L3MBTL3: variants seen among roughly 807,000 people sequenced by gnomAD.
L3MBTL3 encodes the protein L3MBTL histone methyl-lysine binding protein 3, also known as lethal(3)malignant brain tumor-like protein 3.
L3MBTL3 carries 27 observed loss-of-function variants against 102.3 expected under a neutral mutation model. That is an observed-to-expected ratio of 0.26 (90% confidence interval 0.19 to 0.36). The LOEUF (loss-of-function observed/expected upper bound fraction) is 0.36. Ranked by LOEUF, L3MBTL3 falls within the 10% of genes least tolerant of loss-of-function variation. The pLI is 1.00. For missense variants in L3MBTL3, 798 were observed against 955.3 expected, an observed-to-expected ratio of 0.84 and a Z score of 2.17; for synonymous variants, 340 against 320.9, an observed-to-expected ratio of 1.06 and a Z score of -0.64.
chr6:130,049,476 A>T (rs1780949575), intron 4 of L3MBTL3, 83 bp downstream of exon 4: 3 of 934,578 alleles, frequency 3.2e-6, no homozygotes, highest in Non-Finnish European at 4.8e-6. Flanking sequence ...ATAGGCTGGA[A>T]CTTTGAAGGC....
chr6:130,060,691 A>G (rs899442930), intron 10 of L3MBTL3, among the ~76,000 whole-genome samples: 2 of 151,064 alleles, frequency 1.3e-5, no homozygotes, highest in South Asian at 4.2e-4. Flanking sequence ...GGAACAGACC[A>G]ACAGATACTT....
chr6:130,018,933 C>G (rs1778736836), intron 1 of L3MBTL3, among the ~76,000 whole-genome samples: 1 of 151,926 alleles, frequency 6.6e-6, no homozygotes, highest in Admixed American at 6.5e-5. Flanking sequence ...GGGGGAGTCT[C>G]TGGGCATCTC....
intron 7 of L3MBTL3, among the ~76,000 whole-genome samples, chr6:130,054,741 T>C (rs1781350346): frequency 1.3e-5 from 2 of 152,090 alleles, no homozygotes; most frequent in Admixed American, 1.3e-4. Context: ...AAGAGGAAGC[T>C]GAGGGTGTGG....
chr6:130,054,871 A>T (rs1562269893), intron 7 of L3MBTL3, among the ~76,000 whole-genome samples: 2 of 152,224 alleles, frequency 1.3e-5, no homozygotes, highest in Non-Finnish European at 2.9e-5. Flanking sequence ...AGGAGCCAGT[A>T]AGGCGTGAGG....
At chr6:130,094,628 T>A (rs368674334) in intron 18 of L3MBTL3, among the ~76,000 whole-genome samples, 40 of 152,140 alleles carry the variant, frequency 2.6e-4, no homozygotes, top group African/African-American at 8.2e-4. Context: ...TTACAAATAG[T>A]TAGTTTCTGC....
At chr6:130,085,735 CTAAA>C (rs1320555759) in intron 15 of L3MBTL3, among the ~76,000 whole-genome samples, 1 of 152,116 alleles carries the variant, frequency 6.6e-6, no homozygotes, top group African/African-American at 2.4e-5. Context: ...ACATCATTCT[CTAAA>C]TAGCCCAGCT....
chr6:130,023,666 A>T (rs900132118), intron 2 of L3MBTL3, among the ~76,000 whole-genome samples: 1 of 152,212 alleles, frequency 6.6e-6, no homozygotes, highest in African/African-American at 2.4e-5. Flanking sequence ...TTGTTAAAAG[A>T]ATCAAATAAA....
chr6:130,032,319 T>A (rs1248887778), intron 2 of L3MBTL3, among the ~76,000 whole-genome samples: 1 of 152,154 alleles, frequency 6.6e-6, no homozygotes, highest in Non-Finnish European at 1.5e-5. Flanking sequence ...TCTGCTGTTG[T>A]GTGTCTGTAG....
At chr6:130,070,172 A>C (rs987297089) in intron 12 of L3MBTL3, among the ~76,000 whole-genome samples, 2 of 152,036 alleles carry the variant, frequency 1.3e-5, no homozygotes, top group African/African-American at 4.8e-5. Flanking sequence ...TGTGATTTGC[A>C]TAATTGGTAT....
intron 22 of L3MBTL3, among the ~76,000 whole-genome samples, chr6:130,136,464 A>T (rs1787678374): frequency 6.6e-6 from 1 of 152,044 alleles, no homozygotes; most frequent in South Asian, 2.1e-4. Context: ...CTTCCTCCAG[A>T]TGTTCATGTG....
At chr6:130,056,492 G>A (rs1048288116) in intron 8 of L3MBTL3, among the ~76,000 whole-genome samples, 1 of 152,184 alleles carries the variant, frequency 6.6e-6, no homozygotes, top group South Asian at 2.1e-4. Flanking sequence ...CAGTGCCGGG[G>A]TGCATTCTAG....
rs915274432 is a variant in L3MBTL3 at position 130,049,286 on chromosome 6, G to A, written c.107G>A (p.Arg36Gln). ...TTTCTGCTGTGTTGTTGCTAGTTTC[G>A]GGTAAATGAGTTTGGAGCCCTGGAA... ...GTLPGSDLKF[R>Q]VNEFGALEVI... Residue 36 changes from arginine to glutamine, a missense_variant, in exon 4 of 23, where the codon CGG becomes CAG. Transcript: ENST00000361794. 10 of 1,606,320 alleles carry A rather than the reference G, an allele frequency of 6.2e-6. No homozygotes were observed. The highest frequency in any genetic ancestry group is 1.7e-5 in the Admixed American group (1 of 59,320).
intron 6 of L3MBTL3, among the ~76,000 whole-genome samples, 183 bp downstream of exon 6, chr6:130,051,591 G>T (rs1276848122): frequency 6.6e-6 from 1 of 152,164 alleles, no homozygotes; most frequent in Non-Finnish European, 1.5e-5. Flanking sequence ...CGTCTGTCAT[G>T]CCTGGTCTGA....
chr6:130,082,786 T>C (rs2115114274), intron 14 of L3MBTL3, among the ~76,000 whole-genome samples: 1 of 152,326 alleles, frequency 6.6e-6, no homozygotes, highest in East Asian at 1.9e-4. Flanking sequence ...AGCTAGGAAA[T>C]ACATGTGTAT....
Position 130,140,955 on chromosome 6 carries a change from A to G in L3MBTL3, c.*1202A>G, listed in dbSNP as rs149034195. 5 of 152,806 alleles carry G rather than the reference A, an allele frequency of 3.3e-5. No homozygotes were observed. Among genetic ancestry groups the G allele is most frequent in the East Asian group, 3.9e-4 (2 of 5,194 alleles). The allele number at this position is 152,806 out of a possible 1,614,324, so 9.5% of individuals were successfully genotyped here. On this transcript the variant is annotated 3_prime_UTR_variant, in exon 23 of 23. Transcript: ENST00000361794. ...TTTCTGTAGAATACTTTGCCTCGAT[A>G]TATAAGCATACAGATGCACTTTAAA...
chr6:130,128,045 C>T (rs1786730630), intron 20 of L3MBTL3, among the ~76,000 whole-genome samples: 1 of 152,112 alleles, frequency 6.6e-6, no homozygotes, highest in Non-Finnish European at 1.5e-5. Flanking sequence ...ATTTATACTT[C>T]TTGCAACATA....
intron 3 of L3MBTL3, among the ~76,000 whole-genome samples, chr6:130,045,311 T>C (rs1041719680): frequency 6.6e-6 from 1 of 152,164 alleles, no homozygotes; most frequent in Non-Finnish European, 1.5e-5. Flanking sequence ...CGCTGGGCCC[T>C]TGTTACTGTT....
rs181908334 is a variant in L3MBTL3, at chr6:130,085,921, G to A, written c.1408-219G>A. Among the ~76,000 whole-genome samples the A allele has an allele frequency of 1.0e-3, 155 of 151,854 alleles. 1 individual carries two copies. Among genetic ancestry groups the A allele is most frequent in the African/African-American group, 3.7e-3 (155 of 41,460 alleles). ...GTGCATGCCACCATGCCTGGCTACT[G>A]TTTGTATTTTTAATAGAGACAGGGT... On this transcript the variant is annotated intron_variant, in intron 15 of 22. Coordinates refer to ENST00000361794, the MANE Select transcript of L3MBTL3 (RefSeq NM_032438.4).
chr6:130,029,532 A>AT (rs1418404641), intron 2 of L3MBTL3, among the ~76,000 whole-genome samples: 2 of 151,950 alleles, frequency 1.3e-5, no homozygotes, highest in Non-Finnish European at 2.9e-5. Flanking sequence ...TTTTTTCTTT[A>AT]TAAGAACTTG....
Sources: allele counts gnomAD v4.1 joint callset (sites outside exome capture counted in the v4.1 genomes callset), GRCh38; gene constraint gnomAD v4.1.1; transcripts MANE v1.5; gene names NCBI Gene and HGNC (gene_info 2026-07-23, HGNC 2026-07-21).